CEP63: variants seen among roughly 807,000 people sequenced by gnomAD.
The protein encoded by CEP63 is centrosomal protein of 63 kDa.
In CEP63, 84 loss-of-function variants were observed where a neutral mutation model predicts 89.1. The ratio of observed to expected loss-of-function variants is 0.94; its 90% CI spans 0.79 to 1.13. The LOEUF (loss-of-function observed/expected upper bound fraction) is 1.13, where lower values mean the gene tolerates loss of function less well. Among genes scored for constraint, CEP63 ranks in the 50% most tolerant of loss-of-function variants. The pLI, the probability that CEP63 is intolerant of heterozygous loss-of-function variation, is 0.00. For synonymous variants in CEP63, 267 were observed against 272.5 expected, an observed-to-expected ratio of 0.98 and a Z score of 0.20; for missense variants, 838 against 813.3, an observed-to-expected ratio of 1.03 and a Z score of -0.37.
chr3:134,571,920 G>C (rs901189104), intron 11 of CEP63, among the ~76,000 whole-genome samples: 1 of 152,198 alleles, frequency 6.6e-6, no homozygotes, highest in Non-Finnish European at 1.5e-5. Flanking sequence ...ATTGTAATGA[G>C]CTATGAAAAT....
rs2110225432 is a variant in CEP63 at position 134,564,284 on chromosome 3, T to C, written c.*2749T>C. ...CTGAGGTGCACCACATCGTTTCTTT[T>C]GTGTTGGTGTGCATGCTGTCCTTCA... On this transcript the variant is annotated 3_prime_UTR_variant, in exon 15 of 15. Transcript: ENST00000675561. 1.0e-6 allele frequency: 1 copy of C among 985,470 alleles called. No individual in the cohort carries two copies. The highest frequency in any genetic ancestry group is 1.1e-4 in the East Asian group (1 of 8,806). The allele number at this position is 985,470 out of a possible 1,614,324, so 61.0% of individuals were successfully genotyped here. A position where few individuals can be genotyped will look rare whatever the true frequency, so the allele number is the denominator to read the frequency against.
chr3:134,777,148 G>A, the CEP63 span, among the ~76,000 whole-genome samples: 8 of 152,174 alleles, frequency 5.3e-5, no homozygotes, highest in African/African-American at 1.7e-4. Context: ...GTTAAAAAAG[G>A]CACATGTTTT....
the CEP63 span, chr3:134,608,603 T>C: frequency 6.2e-7 from 1 of 1,613,828 alleles, no homozygotes; most frequent in Non-Finnish European, 8.5e-7. Flanking sequence ...CAGTGCGAAA[T>C]GCTCCATTCC....
At chr3:134,615,349 CTTT>C in the CEP63 span, 12 of 96,160 alleles carry the variant, frequency 1.2e-4, no homozygotes, top group African/African-American at 4.0e-4. Context: ...GTTCAAGAAG[CTTT>C]TTTTTTTTTT....
chr3:134,634,973 C>T, the CEP63 span, among the ~76,000 whole-genome samples: 1 of 152,220 alleles, frequency 6.6e-6, no homozygotes, highest in Non-Finnish European at 1.5e-5. Context: ...AACAGTCACT[C>T]TGGAAAATAG....
chr3:134,768,493 A>G, the CEP63 span, among the ~76,000 whole-genome samples: 1 of 152,206 alleles, frequency 6.6e-6, no homozygotes, highest in African/African-American at 2.4e-5. Context: ...TTATGATGCC[A>G]GAAGCACTGA....
At chr3:134,762,675 TC>T in the CEP63 span, among the ~76,000 whole-genome samples, 1 of 152,052 alleles carries the variant, frequency 6.6e-6, no homozygotes, top group Admixed American at 6.5e-5. Context: ...CTGAAACAGA[TC>T]CTTTCCTCAC....
chr3:134,604,040 G>T, the CEP63 span: 1 of 1,613,952 alleles, frequency 6.2e-7, no homozygotes, highest in Non-Finnish European at 8.5e-7. Context: ...ATGTAGCGCC[G>T]CTGTGTCTCC....
the CEP63 span, among the ~76,000 whole-genome samples, chr3:134,618,191 A>G: frequency 6.6e-6 from 1 of 152,162 alleles, no homozygotes; most frequent in African/African-American, 2.4e-5. Flanking sequence ...TGATGGGGGC[A>G]GGAGGCAGCA....
At chr3:134,697,272 AAAG>A in the CEP63 span, among the ~76,000 whole-genome samples, 4 of 151,202 alleles carry the variant, frequency 2.6e-5, no homozygotes, top group East Asian at 1.9e-4. Context: ...AGCCTAACAT[AAAG>A]AAGAACTTTT....
the CEP63 span, chr3:134,643,233 A>G: frequency 1.5e-6 from 2 of 1,365,296 alleles, no homozygotes; most frequent in Non-Finnish European, 2.1e-6. Flanking sequence ...TCTGAGCTCC[A>G]CATCCTGGGC....
chr3:134,700,404 T>G, the CEP63 span, among the ~76,000 whole-genome samples: 4 of 152,174 alleles, frequency 2.6e-5, 1 homozygote, highest in South Asian at 8.3e-4. Flanking sequence ...TGGGCATAGT[T>G]TAAAAAGACA....
chr3:134,610,816 G>C, the CEP63 span: 1 of 155,750 alleles, frequency 6.4e-6, no homozygotes, highest in African/African-American at 2.4e-5. Flanking sequence ...GGCGAGCACA[G>C]CTGCTGGGAG....
the CEP63 span, chr3:134,779,887 C>T: frequency 6.6e-6 from 1 of 152,346 alleles, no homozygotes; most frequent in South Asian, 2.1e-4. Flanking sequence ...ATAAGGTAAA[C>T]TTCTTTACCT....
At chr3:134,627,617 C>T in the CEP63 span, 7 of 699,128 alleles carry the variant, frequency 1.0e-5, no homozygotes, top group African/African-American at 3.6e-5. Flanking sequence ...AATCATGACA[C>T]TCTTCCCCTC....
At chr3:134,703,399 G>A in the CEP63 span, among the ~76,000 whole-genome samples, 1 of 151,980 alleles carries the variant, frequency 6.6e-6, no homozygotes, top group Admixed American at 6.6e-5. Context: ...TGATAGACTG[G>A]ATAAGGGAAA....
chr3:134,567,671 T>C (rs1190680744), downstream of CEP63, among the ~76,000 whole-genome samples: 1 of 152,220 alleles, frequency 6.6e-6, no homozygotes, highest in African/African-American at 2.4e-5. Context: ...GGGGTGGCTC[T>C]GCACTGTGCA....
At chr3:134,489,529 T>G (rs1007666104) in intron 1 of CEP63, among the ~76,000 whole-genome samples, 2 of 152,180 alleles carry the variant, frequency 1.3e-5, no homozygotes, top group Admixed American at 1.3e-4. Flanking sequence ...CCACCCATAG[T>G]GAAATTCCCC....
chr3:134,739,583 A>G, the CEP63 span, among the ~76,000 whole-genome samples: 1 of 152,252 alleles, frequency 6.6e-6, no homozygotes, highest in South Asian at 2.1e-4. Flanking sequence ...AACTAGTTAC[A>G]CACATCAACA....
Sources: gnomAD v4.1 joint callset for allele counts (sites outside exome capture counted in the v4.1 genomes callset) on GRCh38, gnomAD v4.1.1 for gene constraint, MANE v1.5 for transcripts, NCBI Gene and HGNC (gene_info 2026-07-23, HGNC 2026-07-21) for gene names.